The following STPG2 variants were observed in gnomAD, a reference collection of about 807,000 sequenced individuals.
STPG2 encodes sperm tail PG-rich repeat containing 2.
A neutral mutation model predicts 54.2 loss-of-function variants in STPG2; 56 were observed. That is an observed-to-expected ratio of 1.03 (90% CI 0.83 to 1.29). The LOEUF is 1.29. STPG2 is among the 50% of genes most tolerant of loss of function. The pLI, the probability that STPG2 is intolerant of heterozygous loss-of-function variation, is 0.00. For missense variants in STPG2, 596 were observed against 544.9 expected, an observed-to-expected ratio of 1.09 and a Z score of -0.93; for synonymous variants, 200 against 181.8, an observed-to-expected ratio of 1.10 and a Z score of -0.81.
At chr4:97,990,448 T>C (rs1734965491) in intron 5 of STPG2, among the ~76,000 whole-genome samples, 1 of 152,176 alleles carries the variant, frequency 6.6e-6, no homozygotes, top group Non-Finnish European at 1.5e-5. Flanking sequence ...GCTGTGATGT[T>C]CATCCTGTTT....
chr4:97,911,092 GTGAT>G (rs1731661124), intron 8 of STPG2, among the ~76,000 whole-genome samples: 1 of 152,236 alleles, frequency 6.6e-6, no homozygotes, highest in South Asian at 2.1e-4. Context: ...AAGGGGGTGA[GTGAT>G]TGTGCGACCC....
chr4:97,489,328 A>C (rs1414258846), intron 4 of STPG2, among the ~76,000 whole-genome samples: 1 of 151,724 alleles, frequency 6.6e-6, no homozygotes. Flanking sequence ...AGACAGATAA[A>C]TCGATACTAG....
At chr4:97,910,347 G>A (rs529392684) in intron 8 of STPG2, among the ~76,000 whole-genome samples, 1 of 152,314 alleles carries the variant, frequency 6.6e-6, no homozygotes, top group Non-Finnish European at 1.5e-5. Context: ...TAAAGGAAAT[G>A]TTCAAATCTG....
chr4:98,084,880 A>G (rs781266487), intron 5 of STPG2, among the ~76,000 whole-genome samples: 1 of 152,110 alleles, frequency 6.6e-6, no homozygotes, highest in Non-Finnish European at 1.5e-5. Context: ...ATATGTTGCA[A>G]TATTGTCTCC....
chr4:97,579,101 T>C (rs1353683034), intron 10 of STPG2, among the ~76,000 whole-genome samples: 1 of 152,150 alleles, frequency 6.6e-6, no homozygotes, highest in Non-Finnish European at 1.5e-5. Flanking sequence ...AAGTGACTTT[T>C]AGACAAAACA....
chr4:98,023,522 C>T (rs943541855), intron 5 of STPG2, among the ~76,000 whole-genome samples: 4 of 152,194 alleles, frequency 2.6e-5, no homozygotes, highest in African/African-American at 9.6e-5. Flanking sequence ...CTCAGATCTC[C>T]AGCTGCGTGC....
At chr4:97,998,980 A>G (rs1317717963) in intron 5 of STPG2, among the ~76,000 whole-genome samples, 1 of 151,406 alleles carries the variant, frequency 6.6e-6, no homozygotes, top group Non-Finnish European at 1.5e-5. Flanking sequence ...TATAAAGAAT[A>G]TTCTTAACTT....
intron 10 of STPG2, among the ~76,000 whole-genome samples, chr4:97,706,946 T>G (rs1723964073): frequency 6.6e-6 from 1 of 152,110 alleles, no homozygotes; most frequent in African/African-American, 2.4e-5. Flanking sequence ...GAGAGATATT[T>G]TTAGATGAGA....
chr4:97,942,119 T>C (rs917496686), intron 8 of STPG2, among the ~76,000 whole-genome samples: 4 of 149,648 alleles, frequency 2.7e-5, no homozygotes, highest in Admixed American at 2.0e-4. Flanking sequence ...TATAGATACG[T>C]TTTAAATATA....
intron 10 of STPG2, among the ~76,000 whole-genome samples, chr4:97,692,955 T>A (rs555237117): frequency 6.6e-6 from 1 of 152,098 alleles, no homozygotes; most frequent in Non-Finnish European, 1.5e-5. Context: ...CTAAGCTTCA[T>A]AAATGAAGGA....
At chr4:97,563,424 G>C (rs1479148103) in intron 10 of STPG2, among the ~76,000 whole-genome samples, 3 of 151,980 alleles carry the variant, frequency 2.0e-5, no homozygotes, top group Admixed American at 2.0e-4. Context: ...AGGGTTTTTT[G>C]TGTCTCTATT....
chr4:97,848,506 CAAGT>C lies in STPG2; in HGVS notation c.1045-7578_1045-7575del, dbSNP rs562505751. ...GGGTATACAAGCTCCATAATATCATCAAGTATTTATAGGTCCTTTCATGTTTTTT... is the reference window on the plus strand; with the variant it reads ...GGGTATACAAGCTCCATAATATCATCATTTATAGGTCCTTTCATGTTTTTT... On this transcript the variant is annotated intron_variant, in intron 8 of 10. Coordinates refer to ENST00000295268, the MANE Select transcript of STPG2 (RefSeq NM_174952.3). 5.7e-3 allele frequency among the ~76,000 whole-genome samples: 860 copies of C among 152,172 alleles called. 5 individuals are homozygous for C. Among genetic ancestry groups the C allele is most frequent in the Middle Eastern group, 0.021 (6 of 292 alleles).
intron 5 of STPG2, among the ~76,000 whole-genome samples, chr4:97,992,236 T>G (rs1198717826): frequency 6.6e-6 from 1 of 152,200 alleles, no homozygotes; most frequent in Non-Finnish European, 1.5e-5. Context: ...TTTCAAGTAT[T>G]AGATTTAAGT....
intron 8 of STPG2, among the ~76,000 whole-genome samples, chr4:97,856,294 G>T (rs529753598): frequency 6.8e-4 from 104 of 152,254 alleles, no homozygotes; most frequent in African/African-American, 2.4e-3. Flanking sequence ...TCTTATCCAT[G>T]AGCATAGAAT....
intron 9 of STPG2, among the ~76,000 whole-genome samples, chr4:97,787,671 T>TA (rs1726867875): frequency 1.3e-5 from 2 of 151,970 alleles, no homozygotes; most frequent in Non-Finnish European, 2.9e-5. Context: ...TTGTCATTTA[T>TA]AAAAAATTAG....
intron 4 of STPG2, among the ~76,000 whole-genome samples, chr4:97,527,378 A>C (rs1731304760): frequency 1.3e-5 from 2 of 152,028 alleles, no homozygotes; most frequent in Non-Finnish European, 2.9e-5. Flanking sequence ...TATGTGCCAC[A>C]TTTTCTTTAT....
intron 10 of STPG2, among the ~76,000 whole-genome samples, chr4:97,628,415 T>G (rs559132257): frequency 6.6e-6 from 1 of 152,226 alleles, no homozygotes; most frequent in East Asian, 1.9e-4. Flanking sequence ...AAGCCTAGAT[T>G]TTTGCAAACA....
intron 10 of STPG2, among the ~76,000 whole-genome samples, chr4:97,635,706 A>G (rs1194561607): frequency 7.1e-6 from 1 of 141,504 alleles, no homozygotes; most frequent in Non-Finnish European, 1.6e-5. Context: ...CTCTGATAAA[A>G]CAGACTTTAA....
intron 8 of STPG2, among the ~76,000 whole-genome samples, chr4:97,926,528 T>A (rs1414846087): frequency 6.6e-6 from 1 of 152,140 alleles, no homozygotes; most frequent in East Asian, 1.9e-4. Context: ...CCAAGAACCA[T>A]TATAAAGTCA....
Sources: gnomAD v4.1 joint callset for allele counts (sites outside exome capture counted in the v4.1 genomes callset) on GRCh38, gnomAD v4.1.1 for gene constraint, MANE v1.5 for transcripts, NCBI Gene and HGNC (gene_info 2026-07-23, HGNC 2026-07-21) for gene names.